MBD5: variants seen among roughly 807,000 people sequenced by gnomAD.
MBD5 encodes the protein methyl-CpG binding domain protein 5.
MBD5 carries 13 observed loss-of-function variants against 117.3 expected under a neutral mutation model. The observed-to-expected ratio is 0.11, with a 90% CI of 0.07 to 0.18. The LOEUF is 0.18. Ranked by LOEUF, MBD5 falls within the 10% of genes least tolerant of loss-of-function variation. MBD5 has a pLI of 1.00. For missense variants in MBD5, 1,879 were observed against 2,093.8 expected, an observed-to-expected ratio of 0.90 and a Z score of 2.00; for synonymous variants, 727 against 766.4, an observed-to-expected ratio of 0.95 and a Z score of 0.85.
At position 148,094,315 on chromosome 2, in the gene MBD5, T is replaced by G. The variant is rs371975251; in HGVS notation, c.-925+72631T>G. On this transcript the variant is annotated intron_variant, in intron 1 of 13. Coordinates refer to ENST00000642680, the MANE Select transcript of MBD5 (RefSeq NM_001378120.1). ...TTTCCTTGCATAAAACTCTACAAAT[T>G]ATTTACTCTGACCCAAAAGACATGA... 2.0e-5 allele frequency among the ~76,000 whole-genome samples: 3 copies of G among 152,186 alleles called. No individual in the cohort carries two copies. The East Asian group carries it at 5.8e-4, about 29-fold the overall frequency.
chr2:148,301,514 A>G (rs930497806), intron 3 of MBD5, among the ~76,000 whole-genome samples: 3 of 152,216 alleles, frequency 2.0e-5, no homozygotes, highest in Non-Finnish European at 4.4e-5. Flanking sequence ...AAAGCTTTAG[A>G]GCAGGAAGGA....
intron 3 of MBD5, among the ~76,000 whole-genome samples, chr2:148,332,582 T>C (rs993018835): frequency 3.3e-5 from 5 of 152,202 alleles, no homozygotes; most frequent in Admixed American, 1.3e-4. Context: ...AGGATTCTGG[T>C]TTGTAATTCA....
chr2:148,388,138 C>A (rs140268065), intron 4 of MBD5, among the ~76,000 whole-genome samples: 98 of 152,210 alleles, frequency 6.4e-4, no homozygotes, highest in Middle Eastern at 3.4e-3. Flanking sequence ...ACCAAAGGAA[C>A]AAAATACATT....
chr2:148,472,087 A>G (rs1680815740), intron 8 of MBD5: 2 of 152,060 alleles, frequency 1.3e-5, no homozygotes, highest in South Asian at 4.1e-4. Flanking sequence ...TATGTATTTC[A>G]TTGATGTATT....
Position 148,464,802 on chromosome 2 carries a change from T to TAA in MBD5, c.397+898_397+899dup, listed in dbSNP as rs10693462. ...AGCAAGACCTGTCTCTAAAATAATT[T>TAA]AAAAAAAAAAAAAAAACTAGCCAGG... On this transcript the variant is annotated intron_variant, in intron 7 of 13. Transcript: ENST00000642680. 1.4e-4 allele frequency among the ~76,000 whole-genome samples: 21 copies of TAA among 146,240 alleles called. 1 individual carries two copies. The highest frequency in any genetic ancestry group is 7.5e-4 in the Admixed American group (11 of 14,610).
intron 4 of MBD5, among the ~76,000 whole-genome samples, chr2:148,352,976 A>G (rs1262138178): frequency 6.6e-6 from 1 of 152,122 alleles, no homozygotes; most frequent in Admixed American, 6.6e-5. Context: ...TGGAGAAAGC[A>G]TATGTAAAAT....
chr2:148,316,293 A>G (rs1282164765), intron 3 of MBD5, among the ~76,000 whole-genome samples: 6 of 152,080 alleles, frequency 3.9e-5, no homozygotes, highest in African/African-American at 1.4e-4. Flanking sequence ...TTCCTATAAA[A>G]CTTACTTGAT....
At chr2:148,287,928 A>G (rs1409290022) in intron 3 of MBD5, among the ~76,000 whole-genome samples, 9 of 152,036 alleles carry the variant, frequency 5.9e-5, no homozygotes, top group Admixed American at 5.9e-4. Context: ...ACTTTGGGGG[A>G]CGCACTCACT....
rs1204024575 is a variant in MBD5 at position 148,468,480 on chromosome 2, A to G, written c.537A>G (p.Gly179=). 4 of 1,613,870 alleles carry G rather than the reference A, an allele frequency of 2.5e-6. No homozygotes were observed. The highest frequency in any genetic ancestry group is 3.4e-6 in the Non-Finnish European group (4 of 1,179,860). The part of the protein sequence containing the change: ...KLMIGSSNAM[G]RLYVQELPGS... Reference sequence around the variant, plus strand: ...TGATTGGATCATCAAATGCCATGGGAAGGCTATATGTACAAGAACTGCCTG... The same window carrying G: ...TGATTGGATCATCAAATGCCATGGGGAGGCTATATGTACAAGAACTGCCTG... The change falls in exon 8 of 14, where the codon GGA becomes GGG. Residue 179 remains glycine (G), a synonymous_variant. Coordinates refer to ENST00000642680, the MANE Select transcript of MBD5 (RefSeq NM_001378120.1).
chr2:148,465,712 G>T lies in MBD5; in HGVS notation c.397+1793G>T, dbSNP rs79348918. On this transcript the variant is annotated intron_variant, in intron 7 of 13. Coordinates refer to ENST00000642680, the MANE Select transcript of MBD5 (RefSeq NM_001378120.1). ...ATTAGACCGATGTAGGTAAATTGGG[G>T]CCAAATTACTGATTGCTTTGGATAC... Among the ~76,000 whole-genome samples the T allele has an allele frequency of 3.0e-3, 463 of 152,254 alleles. 1 individual carries two copies. Among genetic ancestry groups the T allele is most frequent in the Non-Finnish European group, 5.5e-3 (373 of 67,990 alleles).
intron 1 of MBD5, among the ~76,000 whole-genome samples, chr2:148,112,456 T>A (rs1696523736): frequency 6.6e-6 from 1 of 152,204 alleles, no homozygotes; most frequent in South Asian, 2.1e-4. Flanking sequence ...CTAACAAACC[T>A]TTGTACCAAA....
At chr2:148,280,836 A>G (rs1701230321) in intron 3 of MBD5, among the ~76,000 whole-genome samples, 2 of 152,226 alleles carry the variant, frequency 1.3e-5, no homozygotes, top group Non-Finnish European at 1.5e-5. Flanking sequence ...CTCTCTACTT[A>G]ATGGTAATTT....
chr2:148,277,536 A>G (rs1193009607), intron 3 of MBD5, among the ~76,000 whole-genome samples: 1 of 152,160 alleles, frequency 6.6e-6, no homozygotes, highest in Non-Finnish European at 1.5e-5. Context: ...TCTGTTGCCC[A>G]AGCTAGTCTC....
chr2:148,054,426 A>G (rs926104779), intron 1 of MBD5: 4 of 152,206 alleles, frequency 2.6e-5, no homozygotes, highest in African/African-American at 9.6e-5. Context: ...GACAACGCAG[A>G]TATAGAACAT....
intron 3 of MBD5, among the ~76,000 whole-genome samples, chr2:148,245,427 A>G (rs1574187325): frequency 6.6e-6 from 1 of 151,674 alleles, no homozygotes; most frequent in Non-Finnish European, 1.5e-5. Flanking sequence ...GGACAAAAAT[A>G]TTTTTTTTAA....
Position 148,286,272 on chromosome 2 carries a change from T to C in MBD5, c.-680+52877T>C, listed in dbSNP as rs144473328. ...TTCTTGCTTTTTATCATCTGATATG[T>C]TTATTATTTCATATTCATGTGTCAT... On this transcript the variant is annotated intron_variant, in intron 3 of 13. Transcript: ENST00000642680. Among the ~76,000 whole-genome samples the C allele has an allele frequency of 3.7e-4, 57 of 152,366 alleles. No individual in the cohort carries two copies. In the East Asian group the frequency reaches 9.4e-3, roughly 25 times the overall value.
At chr2:148,511,166 T>C (rs1205436840) in intron 13 of MBD5, among the ~76,000 whole-genome samples, 1 of 152,144 alleles carries the variant, frequency 6.6e-6, no homozygotes, top group Non-Finnish European at 1.5e-5. Flanking sequence ...CATTATATCC[T>C]TTGCATTTTG....
intron 1 of MBD5, among the ~76,000 whole-genome samples, chr2:148,075,803 T>A (rs551594404): frequency 1.3e-5 from 2 of 152,284 alleles, no homozygotes; most frequent in Non-Finnish European, 1.5e-5. Context: ...GTAGTGATTT[T>A]AAAAAGTAAT....
chr2:148,186,243 G>A (rs551431015), intron 2 of MBD5, among the ~76,000 whole-genome samples: 2 of 152,358 alleles, frequency 1.3e-5, no homozygotes, highest in African/African-American at 2.4e-5. Context: ...TAAGTCTCAT[G>A]AGATCTGGTG....
Sources: gnomAD v4.1 joint callset for allele counts (sites outside exome capture counted in the v4.1 genomes callset) on GRCh38, gnomAD v4.1.1 for gene constraint, MANE v1.5 for transcripts, NCBI Gene and HGNC (gene_info 2026-07-23, HGNC 2026-07-21) for gene names.